The following RAPGEF1 variants were observed in gnomAD, a reference collection of about 807,000 sequenced individuals.
RAPGEF1 encodes CRK SH3-binding GNRP.
In RAPGEF1, 33 loss-of-function variants were observed where a neutral mutation model predicts 143.3. The observed-to-expected ratio is 0.23, with a 90% CI of 0.17 to 0.31. The LOEUF is 0.31. Among genes scored for constraint, RAPGEF1 ranks in the 10% least tolerant of loss-of-function variants. The pLI is 1.00. For missense variants in RAPGEF1, 1,199 were observed against 1,645.4 expected (o/e 0.73, Z 4.69); for synonymous variants, 629 against 676.5 (o/e 0.93, Z 1.09).
rs1953667020 is a variant in RAPGEF1 at position 131,588,817 on chromosome 9, G to A, written c.3037C>T (p.Arg1013Trp). ...CATSSQPLAA[R>W]GVAARPGTLH... ...GCTTCTCACCTGGCTGCTACCCCCC[G>A]GGCTGCCAGGGGCTGGCTGGAGGTG... The change falls in exon 20 of 27, where the codon CGG becomes TGG. Residue 1013 changes from arginine to tryptophan, a missense_variant. By Grantham distance (101) the Arg-to-Trp change is moderately radical (BLOSUM62 -3). Around this residue, in one of 6 missense-constraint regions of RAPGEF1, gnomAD observed 209 missense variants for 403.0 expected, o/e 0.52. Coordinates refer to ENST00000683357, the MANE Select transcript of RAPGEF1 (RefSeq NM_001377935.1). 6 of 1,612,798 alleles carry A rather than the reference G, an allele frequency of 3.7e-6. No homozygotes were observed. Among genetic ancestry groups the A allele is most frequent in the African/African-American group, 1.3e-5 (1 of 74,878 alleles).
chr9:131,643,498 A>T, intron 3 of RAPGEF1, 81 bp from the exon 4 acceptor site: 1 of 1,360,424 alleles, frequency 7.4e-7, no homozygotes, highest in Non-Finnish European at 9.9e-7. Flanking sequence ...CATTTTCTTT[A>T]AACCAGCTTG....
intron 1 of RAPGEF1, among the ~76,000 whole-genome samples, chr9:131,660,691 G>A (rs984685626): frequency 1.3e-5 from 2 of 152,216 alleles, no homozygotes; most frequent in African/African-American, 4.8e-5. Flanking sequence ...ATGCGACATA[G>A]TCAAACTGCC....
At chr9:131,700,044 C>A (rs1338919074) in intron 1 of RAPGEF1, among the ~76,000 whole-genome samples, 6 of 152,192 alleles carry the variant, frequency 3.9e-5, no homozygotes, top group Non-Finnish European at 8.8e-5. Flanking sequence ...ACAATCTGTG[C>A]CACTGAAGCT....
At chr9:131,610,866 A>G (rs1957933586) in intron 12 of RAPGEF1, among the ~76,000 whole-genome samples, 1 of 152,202 alleles carries the variant, frequency 6.6e-6, no homozygotes, top group South Asian at 2.1e-4. Flanking sequence ...TCTTATAGAG[A>G]TGGGGTATGA....
Position 131,598,256 on chromosome 9 carries a change from G to T in RAPGEF1, c.2556C>A (p.Asp852Glu). The T allele has an allele frequency of 6.2e-7, 1 of 1,614,006 alleles. No homozygotes were observed. The highest frequency in any genetic ancestry group is 8.5e-7 in the Non-Finnish European group (1 of 1,179,894). The change falls in exon 16 of 27, where the codon GAC (aspartate) becomes GAA (glutamate). Residue 852 changes from aspartate to glutamate, a missense_variant. Asp to Glu is a conservative substitution (Grantham distance 45, BLOSUM62 2). Transcript: ENST00000683357. The stretch of plus-strand genomic sequence containing the variant: ...CGTTGTGGTCAATGAGGGACAGCTC[G>T]TCCACTTCCTCCTCCGACTGAGCCG... The part of the protein sequence containing the change: ...LESAQSEEEV[D>E]ELSLIDHNEI...
rs929684855 is a variant in RAPGEF1, at chr9:131,692,845, G to A, written c.62-41896C>T. Among the ~76,000 whole-genome samples, 6 of 152,180 alleles carry A rather than the reference G, an allele frequency of 3.9e-5. No individual in the cohort carries two copies. The East Asian group carries it at 9.6e-4, about 24-fold the overall frequency. On this transcript the variant is annotated intron_variant, in intron 1 of 26. Transcript: ENST00000683357. ...GTAACAGAAATGCCACCTTCTAGCCGAACAGGAAATAATCTGCACAGTTGC... is the reference window on the plus strand; with the variant it reads ...GTAACAGAAATGCCACCTTCTAGCCAAACAGGAAATAATCTGCACAGTTGC...
At chr9:131,694,839 G>A (rs1339582226) in intron 1 of RAPGEF1, among the ~76,000 whole-genome samples, 2 of 144,042 alleles carry the variant, frequency 1.4e-5, no homozygotes, top group Admixed American at 7.1e-5. Context: ...GGGTACATGT[G>A]CACAACGTGC....
rs1379257303 is a variant in RAPGEF1, at chr9:131,588,829, G to T, written c.3025C>A (p.Pro1009Thr). The T allele has an allele frequency of 6.2e-7, 1 of 1,613,558 alleles. No individual in the cohort carries two copies. Among genetic ancestry groups the T allele is most frequent in the South Asian group, 1.1e-5 (1 of 91,060 alleles). ...GCTGCTACCCCCCGGGCTGCCAGGG[G>T]CTGGCTGGAGGTGGCACACCTGAGT... is the stretch of plus-strand genomic sequence containing the variant. ...KLLRCATSSQ[P>T]LAARGVAARP... is the part of the protein sequence containing the mutation. Residue 1009 changes from proline (P) to threonine (T), a missense_variant, in exon 20 of 27, where the codon CCC becomes ACC. Pro to Thr is a conservative substitution (Grantham distance 38, BLOSUM62 -1). Around this residue, in one of 6 missense-constraint regions of RAPGEF1, gnomAD observed 209 missense variants for 403.0 expected, o/e 0.52. Coordinates refer to ENST00000683357, the MANE Select transcript of RAPGEF1 (RefSeq NM_001377935.1).
chr9:131,669,742 C>G (rs77720750), intron 1 of RAPGEF1, among the ~76,000 whole-genome samples: 4,614 of 152,286 alleles, frequency 0.03, 191 homozygotes, highest in African/African-American at 0.092. Flanking sequence ...ACTGGCCTAA[C>G]CCCCACGGGA....
intron 1 of RAPGEF1, among the ~76,000 whole-genome samples, chr9:131,715,629 G>C (rs1835806675): frequency 6.6e-6 from 1 of 152,058 alleles, no homozygotes; most frequent in Non-Finnish European, 1.5e-5. Context: ...ACTTTGGGAG[G>C]CCAAGGTGGG....
intron 1 of RAPGEF1, among the ~76,000 whole-genome samples, chr9:131,680,424 T>C (rs7043434): frequency 0.86 from 131,684 of 152,264 alleles, 57,146 homozygotes; most frequent in African/African-American, 0.93. Flanking sequence ...CCAAAACTGG[T>C]CATAAACGGA....
Position 131,584,853 on chromosome 9 carries a change from G to C in RAPGEF1, c.3234-257C>G, listed in dbSNP as rs1392628065. ...AAGGAAATCTGGTGAAGGCCCAAAG[G>C]GGGCTTCGAATCTGCAGGTGGAGCA... On this transcript the variant is annotated intron_variant, in intron 22 of 26. Coordinates refer to ENST00000683357, the MANE Select transcript of RAPGEF1 (RefSeq NM_001377935.1). This position sits in a 1 kb window ranked among gnomAD's most constrained non-coding sequence, Gnocchi z 6.8. Among the ~76,000 whole-genome samples the C allele has an allele frequency of 2.0e-5, 3 of 152,206 alleles. No individual in the cohort carries two copies. The highest frequency in any genetic ancestry group is 7.2e-5 in the African/African-American group (3 of 41,452).
At chr9:131,588,095 G>GCAGCCC in intron 20 of RAPGEF1, 69 bp from the exon 21 acceptor site, 1 of 1,317,252 alleles carries the variant, frequency 7.6e-7, no homozygotes, top group Non-Finnish European at 1.1e-6. Flanking sequence ...GAGCAGGCCC[G>GCAGCCC]GGCTGCGGGC....
intron 22 of RAPGEF1, among the ~76,000 whole-genome samples, chr9:131,586,987 C>CACA: frequency 1.3e-4 from 14 of 110,308 alleles, no homozygotes; most frequent in Admixed American, 3.5e-4. Flanking sequence ...CACACACACA[C>CACA]CTGCAGAGTG....
At chr9:131,668,416 A>G (rs1247467477) in intron 1 of RAPGEF1, among the ~76,000 whole-genome samples, 2 of 152,238 alleles carry the variant, frequency 1.3e-5, no homozygotes, top group Admixed American at 6.5e-5. Flanking sequence ...GGGGCTTCTA[A>G]TATGTGGGGA....
intron 1 of RAPGEF1, among the ~76,000 whole-genome samples, chr9:131,722,603 G>C (rs1471845777): frequency 1.3e-5 from 2 of 152,214 alleles, no homozygotes; most frequent in African/African-American, 4.8e-5. Flanking sequence ...GCCCCTGATG[G>C]GAATGGGAGC....
chr9:131,589,784 G>A (rs2132255774), intron 19 of RAPGEF1, 102 bp downstream of exon 19: 2 of 1,123,064 alleles, frequency 1.8e-6, no homozygotes, highest in Admixed American at 1.8e-5. Flanking sequence ...GATAGAGCAG[G>A]CAAGAGCCAG....
intron 26 of RAPGEF1, 59 bp from the exon 27 acceptor site, chr9:131,579,706 G>T (rs1029099981): frequency 5.7e-6 from 9 of 1,572,968 alleles, no homozygotes; most frequent in Non-Finnish European, 7.8e-6. Context: ...TGGCCCGATG[G>T]CGCCACCCTC....
chr9:131,601,936 A>T, intron 15 of RAPGEF1, 125 bp downstream of exon 15: 1 of 669,822 alleles, frequency 1.5e-6, no homozygotes, highest in Non-Finnish European at 2.5e-6. Flanking sequence ...ATAAGGAAAG[A>T]AGGAAGAGTT....
Sources: gnomAD v4.1 joint callset for allele counts (sites outside exome capture counted in the v4.1 genomes callset) on GRCh38, gnomAD v4.1.1 for gene constraint, gnomAD v4.1.1 regional missense constraint, Gnocchi (gnomAD v3.1) non-coding constraint, MANE v1.5 for transcripts, NCBI Gene and HGNC (gene_info 2026-07-23, HGNC 2026-07-21) for gene names.